Variants in TMEM132D observed in about 807,000 individuals in gnomAD.
TMEM132D encodes mature OL transmembrane protein.
TMEM132D carries 21 observed loss-of-function variants against 62.3 expected under a neutral mutation model. That is an observed-to-expected ratio of 0.34 (90% CI 0.24 to 0.49). TMEM132D has a LOEUF of 0.49. Ranked by LOEUF, TMEM132D falls within the 20% of genes least tolerant of loss-of-function variation. TMEM132D has a pLI of 0.99. For missense variants in TMEM132D, 1,346 were observed against 1,402.8 expected, an observed-to-expected ratio of 0.96 and a Z score of 0.65; for synonymous variants, 621 against 575.6, an observed-to-expected ratio of 1.08 and a Z score of -1.13.
intron 3 of TMEM132D, among the ~76,000 whole-genome samples, chr12:129,350,586 T>C (rs1869831558): frequency 6.6e-6 from 1 of 152,136 alleles, no homozygotes; most frequent in Admixed American, 6.5e-5. Flanking sequence ...TGGGTATAAG[T>C]TGGAATCAGG....
At chr12:129,635,369 AAAGAAATGGC>A (rs1353041598) in intron 2 of TMEM132D, among the ~76,000 whole-genome samples, 1 of 152,238 alleles carries the variant, frequency 6.6e-6, no homozygotes, top group African/African-American at 2.4e-5. Flanking sequence ...CAAACAGACA[AAAGAAATGGC>A]AAGGAGAGTC....
chr12:129,278,448 C>A (rs146803136), intron 4 of TMEM132D, among the ~76,000 whole-genome samples: 1 of 152,260 alleles, frequency 6.6e-6, no homozygotes, highest in East Asian at 1.9e-4. Context: ...AAGAAGCCAC[C>A]ATGATCTTAT....
chr12:129,115,859 G>T (rs1875877611), intron 5 of TMEM132D, among the ~76,000 whole-genome samples: 1 of 152,250 alleles, frequency 6.6e-6, no homozygotes, highest in Admixed American at 6.5e-5. Context: ...CAGGGGGCAT[G>T]TGGTGGTGGC....
intron 5 of TMEM132D, among the ~76,000 whole-genome samples, chr12:129,145,021 T>C (rs1190173699): frequency 6.6e-6 from 1 of 152,020 alleles, no homozygotes; most frequent in Non-Finnish European, 1.5e-5. Flanking sequence ...CACACACATA[T>C]TTATATATAT....
intron 5 of TMEM132D, among the ~76,000 whole-genome samples, chr12:129,194,743 A>G (rs1459297364): frequency 1.3e-5 from 2 of 152,318 alleles, no homozygotes; most frequent in Non-Finnish European, 2.9e-5. Context: ...AAGGTTCAGG[A>G]AAAATTCACC....
intron 4 of TMEM132D, among the ~76,000 whole-genome samples, chr12:129,301,276 T>C (rs1566026371): frequency 6.6e-6 from 1 of 152,188 alleles, no homozygotes; most frequent in Non-Finnish European, 1.5e-5. Context: ...TTTGGTCTTA[T>C]CTAGTCCCTA....
chr12:129,859,105 G>A (rs1038790747), intron 1 of TMEM132D, among the ~76,000 whole-genome samples: 2 of 152,200 alleles, frequency 1.3e-5, no homozygotes, highest in Non-Finnish European at 2.9e-5. Context: ...GAGTCCTGCG[G>A]GAGGGTGTTC....
chr12:129,795,972 T>C (rs1871550592), intron 1 of TMEM132D, among the ~76,000 whole-genome samples: 1 of 152,180 alleles, frequency 6.6e-6, no homozygotes, highest in Admixed American at 6.5e-5. Flanking sequence ...TAAAATATTT[T>C]TTCCTTTTTT....
chr12:129,377,202 A>G (rs546953830), intron 3 of TMEM132D, among the ~76,000 whole-genome samples: 2 of 152,352 alleles, frequency 1.3e-5, no homozygotes, highest in Middle Eastern at 6.8e-3. Context: ...CATCGGGAGA[A>G]GGCAGCATCT....
chr12:129,492,701 C>T (rs1190184337), intron 3 of TMEM132D, among the ~76,000 whole-genome samples: 1 of 152,112 alleles, frequency 6.6e-6, no homozygotes, highest in Non-Finnish European at 1.5e-5. Context: ...ACAGTACCAC[C>T]TTCTTCTTTG....
At chr12:129,445,028 C>T (rs1325802726) in intron 3 of TMEM132D, among the ~76,000 whole-genome samples, 1 of 152,176 alleles carries the variant, frequency 6.6e-6, no homozygotes, top group East Asian at 1.9e-4. Flanking sequence ...GACTCATGCA[C>T]ATGAATGTTC....
At chr12:129,097,247 G>A (rs945060297) in intron 5 of TMEM132D, among the ~76,000 whole-genome samples, 3 of 152,228 alleles carry the variant, frequency 2.0e-5, no homozygotes, top group Non-Finnish European at 4.4e-5. Flanking sequence ...AGTGTCTCCG[G>A]ACATTGCTAA....
At chr12:129,854,246 T>C (rs1873642896) in intron 1 of TMEM132D, among the ~76,000 whole-genome samples, 1 of 152,202 alleles carries the variant, frequency 6.6e-6, no homozygotes, top group African/African-American at 2.4e-5. Flanking sequence ...TCCCAGGCAC[T>C]GTCCTTAGCT....
At chr12:129,351,975 G>A (rs1235016805) in intron 3 of TMEM132D, among the ~76,000 whole-genome samples, 2 of 152,140 alleles carry the variant, frequency 1.3e-5, no homozygotes, top group African/African-American at 4.8e-5. Flanking sequence ...ACAGAAGATG[G>A]ATCCTCATCC....
rs2135603979 is a variant in TMEM132D at position 129,074,644 on chromosome 12, C to T, written c.2531G>A (p.Ser844Asn). ...TCCCTCCATGAGTCCCATAGAAGAA[C>T]TGCCATAGTACTGTCCTTCCTGACT... The part of the protein sequence containing the change: ...WGSQEGQYYG[S>N]SSMGLMEGRG... The change falls in exon 9 of 9, where the codon AGT becomes AAT. Residue 844 changes from serine (S) to asparagine (N), a missense_variant. Ser to Asn is a conservative substitution (Grantham distance 46). Coordinates refer to ENST00000422113, the MANE Select transcript of TMEM132D (RefSeq NM_133448.3). The T allele has an allele frequency of 6.2e-7, 1 of 1,614,114 alleles. No individual in the cohort carries two copies. The highest frequency in any genetic ancestry group is 1.3e-5 in the African/African-American group (1 of 75,008).
intron 1 of TMEM132D, chr12:129,852,567 A>T (rs1045967161): frequency 1.3e-5 from 2 of 152,206 alleles, no homozygotes; most frequent in Non-Finnish European, 2.9e-5. Context: ...AAAAAATAAA[A>T]AAAAACAATG....
At position 129,439,674 on chromosome 12, in the gene TMEM132D, G is replaced by A. The variant is rs1472528437; in HGVS notation, c.1115+91385C>T. ...ATGTTGACCAGGCTGGTCTGGAACT[G>A]CTGACCTCAAGTGATCCACCTGCCT... On this transcript the variant is annotated intron_variant, in intron 3 of 8. Transcript: ENST00000422113. 2.6e-5 allele frequency among the ~76,000 whole-genome samples: 4 copies of A among 152,100 alleles called. No individual in the cohort carries two copies. The East Asian group carries it at 7.7e-4, about 29-fold the overall frequency.
At chr12:129,533,096 A>G (rs1876276171) in intron 2 of TMEM132D, among the ~76,000 whole-genome samples, 1 of 152,202 alleles carries the variant, frequency 6.6e-6, no homozygotes, top group Non-Finnish European at 1.5e-5. Context: ...GAGAGAAAGA[A>G]TTGCTTCTAG....
intron 4 of TMEM132D, among the ~76,000 whole-genome samples, chr12:129,248,483 T>C (rs1473049606): frequency 6.6e-6 from 1 of 152,122 alleles, no homozygotes; most frequent in Non-Finnish European, 1.5e-5. Flanking sequence ...ATCCCCTCAA[T>C]TGCTATTTAC....
Sources: gnomAD v4.1 joint callset for allele counts (sites outside exome capture counted in the v4.1 genomes callset) on GRCh38, gnomAD v4.1.1 for gene constraint, MANE v1.5 for transcripts, NCBI Gene and HGNC (gene_info 2026-07-23, HGNC 2026-07-21) for gene names.